Variants in CABLES1 observed in about 807,000 individuals in gnomAD.
CABLES1 encodes the protein Cdk5 and Abl enzyme substrate 1.
A neutral mutation model predicts 57.8 loss-of-function variants in CABLES1; 36 were observed. The observed-to-expected ratio is 0.62, with a 90% CI of 0.48 to 0.82. The LOEUF (loss-of-function observed/expected upper bound fraction) is 0.82. Ranked by LOEUF, CABLES1 falls within the 40% of genes least tolerant of loss-of-function variation. The pLI is 0.00. For missense variants in CABLES1, 767 were observed against 836.6 expected, an observed-to-expected ratio of 0.92 and a Z score of 1.03; for synonymous variants, 374 against 363.0, an observed-to-expected ratio of 1.03 and a Z score of -0.35.
intron 3 of CABLES1, among the ~76,000 whole-genome samples, chr18:23,207,850 G>A (rs2047375241): frequency 6.6e-6 from 1 of 152,186 alleles, no homozygotes; most frequent in African/African-American, 2.4e-5. Flanking sequence ...ATGGAAGTGT[G>A]GTGGTGGAGG....
At position 23,154,833 on chromosome 18, in the gene CABLES1, A is replaced by G. The variant is rs150539631; in HGVS notation, c.845+18226A>G. On this transcript the variant is annotated intron_variant, in intron 1 of 9. Transcript: ENST00000256925. ...ATTTTGTGACCTTCCTGAACAAAAC[A>G]GGTTGTTTTAGGATGGGCCAGTGTT... Among the ~76,000 whole-genome samples the G allele has an allele frequency of 2.0e-5, 3 of 152,348 alleles. No individual in the cohort carries two copies. The East Asian group carries it at 5.8e-4, about 29-fold the overall frequency.
At chr18:23,237,521 G>A (rs973007011) in intron 7 of CABLES1, among the ~76,000 whole-genome samples, 1 of 152,210 alleles carries the variant, frequency 6.6e-6, no homozygotes, top group African/African-American at 2.4e-5. Context: ...GGGGATGTCC[G>A]AGCTTATACC....
At chr18:23,246,637 C>T (rs538801455) in intron 7 of CABLES1, among the ~76,000 whole-genome samples, 39 of 151,684 alleles carry the variant, frequency 2.6e-4, no homozygotes, top group Admixed American at 7.2e-4. Flanking sequence ...GTGATCCGCC[C>T]ACCTTGGCCT....
intron 1 of CABLES1, among the ~76,000 whole-genome samples, chr18:23,173,963 G>A (rs1234747415): frequency 6.6e-6 from 1 of 152,024 alleles, no homozygotes; most frequent in Non-Finnish European, 1.5e-5. Flanking sequence ...ATTCTGTCTC[G>A]AAAAATAAAA....
chr18:23,163,341 G>T (rs1490435693), intron 1 of CABLES1, among the ~76,000 whole-genome samples: 1 of 152,134 alleles, frequency 6.6e-6, no homozygotes, highest in Non-Finnish European at 1.5e-5. Context: ...ACAGGTTTAG[G>T]CATCATCAGT....
rs1460193693 is a variant in CABLES1, at chr18:23,135,865, C to T, written c.103C>T (p.Pro35Ser). 60 of 1,020,386 alleles carry T rather than the reference C, an allele frequency of 5.9e-5. No individual in the cohort carries two copies. The highest frequency in any genetic ancestry group is 8.7e-5 in the South Asian group (2 of 23,100). 63.2% of individuals were successfully genotyped at this position (1,020,386 alleles called of 1,614,324 possible). The part of the protein sequence containing the change: ...ASGLQQPPPQ[P>S]QPQPAAAAPA... The stretch of plus-strand genomic sequence containing the variant: ...CGGATTGCAGCAGCCGCCGCCGCAG[C>T]CCCAGCCTCAGCCCGCGGCCGCCGC... Residue 35 changes from proline (P) to serine (S), a missense_variant, in exon 1 of 10, where the codon CCC becomes TCC. Pro to Ser is a moderately conservative substitution (Grantham distance 74, BLOSUM62 -1). This residue lies in a region of CABLES1 where 198 missense variants were observed against 149.7 expected (regional missense o/e 1.32). Coordinates refer to ENST00000256925, the MANE Select transcript of CABLES1 (RefSeq NM_001100619.3).
chr18:23,217,621 A>AT (rs985884515), intron 4 of CABLES1, among the ~76,000 whole-genome samples: 112 of 151,950 alleles, frequency 7.4e-4, no homozygotes, highest in African/African-American at 2.6e-3. Flanking sequence ...TGATTTTTAA[A>AT]TTTTTTTTTA....
At chr18:23,224,923 A>G (rs1598839691) in intron 4 of CABLES1, among the ~76,000 whole-genome samples, 1 of 152,222 alleles carries the variant, frequency 6.6e-6, no homozygotes. Context: ...GCTGGAGTGC[A>G]GTAGTGCAAT....
chr18:23,230,005 C>T (rs2047555609), intron 4 of CABLES1, among the ~76,000 whole-genome samples: 1 of 152,130 alleles, frequency 6.6e-6, no homozygotes, highest in Admixed American at 6.5e-5. Flanking sequence ...AGAATGAACC[C>T]GGAAAAGTTT....
At chr18:23,214,303 T>A in intron 4 of CABLES1, 1 of 404,138 alleles carries the variant, frequency 2.5e-6, no homozygotes, top group Non-Finnish European at 4.4e-6. Context: ...TGTTACCTTA[T>A]CCAATACTTG....
chr18:23,154,785 C>T (rs1349729652), intron 1 of CABLES1, among the ~76,000 whole-genome samples: 1 of 152,210 alleles, frequency 6.6e-6, no homozygotes, highest in South Asian at 2.1e-4. Context: ...CCTTTTGACA[C>T]GTGTGACATT....
rs1258243878 is a variant in CABLES1 at position 23,136,042 on chromosome 18, G to A, written c.280G>A (p.Ala94Thr). The change falls in exon 1 of 10, where the codon GCC becomes ACC. Residue 94 changes from alanine to threonine, a missense_variant. By Grantham distance (58) the Ala-to-Thr change is moderately conservative. Coordinates refer to ENST00000256925, the MANE Select transcript of CABLES1 (RefSeq NM_001100619.3). ...EWGGGEEGGA[A>T]KPGAGGACGA... ...GGGCGGTGGCGAGGAGGGCGGCGCG[G>A]CCAAGCCGGGCGCCGGCGGCGCCTG... The A allele has an allele frequency of 8.8e-7, 1 of 1,135,662 alleles. No homozygotes were observed. The highest frequency in any genetic ancestry group is 1.1e-6 in the Non-Finnish European group (1 of 930,156). The allele number at this position is 1,135,662 out of a possible 1,614,324, so 70.3% of individuals were successfully genotyped here.
intron 7 of CABLES1, among the ~76,000 whole-genome samples, chr18:23,249,933 GC>G (rs1332576440): frequency 6.6e-6 from 1 of 152,188 alleles, no homozygotes; most frequent in African/African-American, 2.4e-5. Context: ...CCCAGCGCTG[GC>G]CCCTGCCTGC....
chr18:23,144,325 A>G (rs763150598), intron 1 of CABLES1, among the ~76,000 whole-genome samples: 2 of 152,216 alleles, frequency 1.3e-5, no homozygotes, highest in Non-Finnish European at 2.9e-5. Flanking sequence ...CCTAACAGTA[A>G]GAGGAGGAAA....
chr18:23,162,636 A>G (rs958891731), intron 1 of CABLES1, among the ~76,000 whole-genome samples: 1 of 152,224 alleles, frequency 6.6e-6, no homozygotes, highest in Non-Finnish European at 1.5e-5. Context: ...CAAAAGAACA[A>G]CAGAGGAGGA....
Position 23,136,242 on chromosome 18 carries a change from C to T in CABLES1, c.480C>T (p.Pro160=), listed in dbSNP as rs1156458900. 5 of 1,299,708 alleles carry T rather than the reference C, an allele frequency of 3.8e-6. No homozygotes were observed. Among genetic ancestry groups the T allele is most frequent in the Non-Finnish European group, 4.9e-6 (5 of 1,029,832 alleles). 80.5% of individuals were successfully genotyped at this position (1,299,708 alleles called of 1,614,324 possible). A position where few individuals can be genotyped will look rare whatever the true frequency, so the allele number is the denominator to read the frequency against. The stretch of plus-strand genomic sequence containing the variant: ...GCGGCCATGCGACCGTGTCCGGCCC[C>T]GGGGTGGCGCGGGGGTTCGCGAGTC... The part of the protein sequence containing the change: ...IPGGHATVSG[P]GVARGFASPL... Residue 160 remains proline (P), a synonymous_variant, in exon 1 of 10, where the codon CCC becomes CCT. Transcript: ENST00000256925.
chr18:23,255,453 A>G (rs1257710582), intron 9 of CABLES1, among the ~76,000 whole-genome samples: 1 of 152,190 alleles, frequency 6.6e-6, no homozygotes, highest in Non-Finnish European at 1.5e-5. Flanking sequence ...ATGGTACAAA[A>G]TCATCTAGCT....
chr18:23,235,146 T>C (rs2047594116), intron 5 of CABLES1, among the ~76,000 whole-genome samples: 1 of 152,238 alleles, frequency 6.6e-6, no homozygotes, highest in East Asian at 1.9e-4. Flanking sequence ...TCCTCTTCCA[T>C]CCACATGCAA....
rs201546782 is a variant in CABLES1, at chr18:23,172,438, C to T, written c.846-16400C>T. Among the ~76,000 whole-genome samples the T allele has an allele frequency of 7.2e-5, 11 of 152,282 alleles. No individual in the cohort carries two copies. In the East Asian group the frequency reaches 1.9e-3, roughly 27 times the overall value. ...GAAGGTCCACAGATCCCCAAGAGGT[C>T]GAGAGATCCCAGTTGAAGGATCTTG... On this transcript the variant is annotated intron_variant, in intron 1 of 9. Transcript: ENST00000256925.
Sources: allele counts gnomAD v4.1 joint callset (sites outside exome capture counted in the v4.1 genomes callset), GRCh38; gene constraint gnomAD v4.1.1; regional missense constraint gnomAD v4.1.1; transcripts MANE v1.5; gene names NCBI Gene and HGNC (gene_info 2026-07-23, HGNC 2026-07-21).